Variants in DLG2 observed in about 807,000 individuals in gnomAD.
DLG2 encodes the protein disks large homolog 2.
In DLG2, 45 loss-of-function variants were observed where a neutral mutation model predicts 132.5. The ratio of observed to expected loss-of-function variants is 0.34; its 90% CI spans 0.27 to 0.44. DLG2 has a LOEUF of 0.44. DLG2 is among the 20% of genes least tolerant of loss of function. The pLI is 1.00. For missense variants in DLG2, 1,045 were observed against 1,196.9 expected (o/e 0.87, Z 1.87); for synonymous variants, 424 against 419.6 (o/e 1.01, Z -0.13).
At chr11:85,602,744 C>G (rs2080256664) in intron 2 of DLG2, among the ~76,000 whole-genome samples, 1 of 152,154 alleles carries the variant, frequency 6.6e-6, no homozygotes, top group Non-Finnish European at 1.5e-5. Flanking sequence ...GCTCTTAGAC[C>G]TCTCCTCTTG....
intron 8 of DLG2, among the ~76,000 whole-genome samples, chr11:84,200,777 T>G (rs2213112): frequency 1.3e-5 from 2 of 151,928 alleles, no homozygotes; most frequent in Non-Finnish European, 2.9e-5. Context: ...GGAATGCTAG[T>G]GAATTTTGCA....
At chr11:84,727,357 T>C (rs979660082) in intron 6 of DLG2, among the ~76,000 whole-genome samples, 6 of 152,222 alleles carry the variant, frequency 3.9e-5, no homozygotes, top group African/African-American at 1.4e-4. Context: ...AGGGAATCTT[T>C]TTCCCATGGC....
At chr11:85,179,809 T>A (rs1474465778) in intron 4 of DLG2, among the ~76,000 whole-genome samples, 1 of 151,964 alleles carries the variant, frequency 6.6e-6, no homozygotes, top group African/African-American at 2.4e-5. Context: ...TAAATGTTAA[T>A]AACGGTAGTT....
At chr11:84,497,788 C>T (rs2099189054) in intron 7 of DLG2, among the ~76,000 whole-genome samples, 1 of 152,116 alleles carries the variant, frequency 6.6e-6, no homozygotes, top group Non-Finnish European at 1.5e-5. Context: ...TGCCGTTATA[C>T]CTCCACTGAA....
chr11:85,243,517 C>T (rs1048097933), intron 4 of DLG2, among the ~76,000 whole-genome samples: 2 of 151,916 alleles, frequency 1.3e-5, no homozygotes, highest in East Asian at 3.9e-4. Context: ...TTTCATGGCA[C>T]CCTATAGCTT....
intron 6 of DLG2, among the ~76,000 whole-genome samples, chr11:85,049,078 T>C (rs1336172187): frequency 1.3e-5 from 2 of 152,016 alleles, no homozygotes; most frequent in African/African-American, 4.8e-5. Context: ...TATGAGTATA[T>C]TGTGAGATTC....
chr11:85,022,046 T>C (rs896107140), intron 6 of DLG2, among the ~76,000 whole-genome samples: 1 of 151,944 alleles, frequency 6.6e-6, no homozygotes, highest in Non-Finnish European at 1.5e-5. Flanking sequence ...TTTCAAAAAA[T>C]TGCATAAAAA....
At chr11:83,830,215 G>C (rs2054085521) in intron 17 of DLG2, among the ~76,000 whole-genome samples, 1 of 152,168 alleles carries the variant, frequency 6.6e-6, no homozygotes, top group African/African-American at 2.4e-5. Flanking sequence ...AAAGATTGTT[G>C]TTATATTCTG....
At chr11:84,529,274 G>A (rs1296639959) in intron 7 of DLG2, among the ~76,000 whole-genome samples, 1 of 152,122 alleles carries the variant, frequency 6.6e-6, no homozygotes, top group Non-Finnish European at 1.5e-5. Flanking sequence ...TTTCAACACA[G>A]TCCTGGAAAT....
At chr11:85,121,469 A>G (rs1179313068) in intron 5 of DLG2, among the ~76,000 whole-genome samples, 3 of 152,036 alleles carry the variant, frequency 2.0e-5, no homozygotes, top group African/African-American at 7.2e-5. Flanking sequence ...AAGAAATTAA[A>G]TGAACATGAG....
At chr11:84,905,953 G>C (rs373866530) in intron 6 of DLG2, among the ~76,000 whole-genome samples, 1 of 152,086 alleles carries the variant, frequency 6.6e-6, no homozygotes, top group Admixed American at 6.6e-5. Flanking sequence ...TAAAGTATAA[G>C]CAAATCACAC....
intron 7 of DLG2, among the ~76,000 whole-genome samples, chr11:84,526,580 G>A (rs1565194966): frequency 6.6e-6 from 1 of 152,224 alleles, no homozygotes; most frequent in East Asian, 1.9e-4. Context: ...TTGAGAGACA[G>A]AGAGAGAGCA....
chr11:84,822,764 TA>T (rs2077852743), intron 6 of DLG2, among the ~76,000 whole-genome samples: 1 of 151,888 alleles, frequency 6.6e-6, no homozygotes, highest in Admixed American at 6.6e-5. Flanking sequence ...AATGAGGATA[TA>T]AAAAATACTT....
intron 6 of DLG2, among the ~76,000 whole-genome samples, chr11:85,034,873 T>C (rs977295821): frequency 3.2e-4 from 48 of 152,164 alleles, no homozygotes; most frequent in Admixed American, 3.1e-3. Flanking sequence ...TTTTCCTGAG[T>C]TTCCTGCTTA....
chr11:85,209,595 CT>C lies in DLG2; in HGVS notation c.187-54945del, dbSNP rs60317922. 1.5e-3 allele frequency among the ~76,000 whole-genome samples: 173 copies of C among 116,934 alleles called. 1 individual carries two copies. Among genetic ancestry groups the C allele is most frequent in the Middle Eastern group, 5.2e-3 (1 of 192 alleles). 76.7% of individuals were successfully genotyped at this position (116,934 alleles called of 152,430 possible). A position where few individuals can be genotyped will look rare whatever the true frequency, so the allele number is the denominator to read the frequency against. On this transcript the variant is annotated intron_variant, in intron 4 of 27. Transcript: ENST00000376104. ...GGAGCACACTACCACACCCAGCTAA[CT>C]TTTTTTTTTTTTTTTGTATGTTCAG...
At chr11:84,737,144 T>TTTTTTAGGTTTTTTAG (rs1177382859) in intron 6 of DLG2, among the ~76,000 whole-genome samples, 4 of 151,814 alleles carry the variant, frequency 2.6e-5, no homozygotes, top group African/African-American at 4.8e-5. Context: ...TTTTTTTAGG[T>TTTTTTAGGTTTTTTAG]GATTAATATG....
intron 3 of DLG2, among the ~76,000 whole-genome samples, chr11:85,504,783 A>C (rs1425089909): frequency 1.3e-5 from 2 of 152,150 alleles, no homozygotes; most frequent in African/African-American, 4.8e-5. Flanking sequence ...GATGGCATTG[A>C]ATCTATAAAT....
At chr11:84,754,240 C>A (rs1597366464) in intron 6 of DLG2, among the ~76,000 whole-genome samples, 2 of 152,194 alleles carry the variant, frequency 1.3e-5, no homozygotes, top group East Asian at 1.9e-4. Context: ...TTTATGAACT[C>A]CAAAGCACTA....
At chr11:85,500,550 T>A (rs28845015) in intron 3 of DLG2, among the ~76,000 whole-genome samples, 96,532 of 126,184 alleles carry the variant, frequency 0.77, 35,034 homozygotes, top group Middle Eastern at 0.81. Flanking sequence ...ATAAAAAAAA[T>A]AAAAATAAAA....
Sources: gnomAD v4.1 joint callset for allele counts (sites outside exome capture counted in the v4.1 genomes callset) on GRCh38, gnomAD v4.1.1 for gene constraint, MANE v1.5 for transcripts, NCBI Gene and HGNC (gene_info 2026-07-23, HGNC 2026-07-21) for gene names.